The following NCAPG variants were observed in gnomAD, a reference collection of about 807,000 sequenced individuals.
NCAPG encodes the protein non-SMC condensin I complex subunit G.
A neutral mutation model predicts 113.1 loss-of-function variants in NCAPG; 69 were observed. That is an observed-to-expected ratio of 0.61 (90% CI 0.50 to 0.75). The LOEUF (loss-of-function observed/expected upper bound fraction) is 0.75. Among genes scored for constraint, NCAPG ranks in the 30% least tolerant of loss-of-function variants. NCAPG has a pLI of 0.00. For synonymous variants in NCAPG, 370 were observed against 415.8 expected (o/e 0.89, Z 1.34); for missense variants, 1,058 against 1,177.0 (o/e 0.90, Z 1.48).
chr4:17,830,007 T>C (rs1481774726), intron 12 of NCAPG, among the ~76,000 whole-genome samples: 1 of 152,146 alleles, frequency 6.6e-6, no homozygotes, highest in East Asian at 1.9e-4. Context: ...ATTACATGTA[T>C]GAAAAAGTGA....
intron 11 of NCAPG, among the ~76,000 whole-genome samples, chr4:17,826,662 A>G (rs1204437715): frequency 1.3e-5 from 2 of 152,218 alleles, no homozygotes; most frequent in African/African-American, 2.4e-5. Context: ...TTATGTGTCT[A>G]TTTGTCCTGT....
intron 16 of NCAPG, among the ~76,000 whole-genome samples, chr4:17,839,002 T>C (rs1220235120): frequency 2.6e-5 from 4 of 152,142 alleles, no homozygotes; most frequent in Admixed American, 6.5e-5. Flanking sequence ...TAAAGAATTA[T>C]GGGTACAAGA....
At chr4:17,837,395 C>T (rs1392596762) in intron 15 of NCAPG, 55 bp downstream of exon 15, 8 of 1,453,650 alleles carry the variant, frequency 5.5e-6, no homozygotes, top group African/African-American at 2.8e-5. Context: ...ATTCAAGTCC[C>T]CCATGAATTA....
rs1721018408 is a variant in NCAPG, at chr4:17,812,326, G to A, written c.217G>A (p.Ala73Thr). 5 of 1,613,738 alleles carry A rather than the reference G, an allele frequency of 3.1e-6. No homozygotes were observed. In the East Asian group the frequency reaches 1.1e-4, roughly 36 times the overall value. Residue 73 changes from alanine to threonine, a missense_variant, in exon 2 of 21, where the codon GCA (alanine) becomes ACA (threonine). Ala to Thr is a moderately conservative substitution (Grantham distance 58, BLOSUM62 0). Transcript: ENST00000251496. ...PAVERVIEFA[A>T]KFVTSFHQSD... ...TGTGGAGAGGGTAATAGAATTTGCA[G>A]CAAAGTTTGTTACCTCATTTCACCA...
chr4:17,817,943 T>C lies in NCAPG; in HGVS notation c.973T>C (p.Leu325=). The change falls in exon 7 of 21, where the codon TTG becomes CTG. Residue 325 remains leucine (L), a synonymous_variant. Coordinates refer to ENST00000251496, the MANE Select transcript of NCAPG (RefSeq NM_022346.5). ...CACTCTTTCTTTTAAATGAAGGAAA[T>C]TGATTCCAGTGGAAACATTAACTCC... The part of the protein sequence containing the change: ...GLCKNNDGRK[L]IPVETLTPEI... 2 of 1,593,874 alleles carry C rather than the reference T, an allele frequency of 1.3e-6. No homozygotes were observed. Among genetic ancestry groups the C allele is most frequent in the Non-Finnish European group, 1.7e-6 (2 of 1,173,298 alleles).
chr4:17,815,170 A>T (rs1423550438), intron 4 of NCAPG, 104 bp from the exon 5 acceptor site: 2 of 1,260,098 alleles, frequency 1.6e-6, no homozygotes, highest in African/African-American at 1.5e-5. Context: ...ACCAGGTATT[A>T]ATTTCTTTTG....
intron 17 of NCAPG, 39 bp from the exon 18 acceptor site, chr4:17,840,032 G>A (rs1457422658): frequency 6.4e-7 from 1 of 1,573,748 alleles, no homozygotes; most frequent in Admixed American, 1.9e-5. Flanking sequence ...ATTAGGGAAT[G>A]CGGTGTTTAC....
Position 17,811,880 on chromosome 4 carries a change from T to A in NCAPG, c.112-341T>A, listed in dbSNP as rs1720975609. Among the ~76,000 whole-genome samples the A allele has an allele frequency of 2.0e-5, 3 of 152,190 alleles. No individual in the cohort carries two copies. The highest frequency in any genetic ancestry group is 7.2e-5 in the African/African-American group (3 of 41,458). On this transcript the variant is annotated intron_variant, in intron 1 of 20. Coordinates refer to ENST00000251496, the MANE Select transcript of NCAPG (RefSeq NM_022346.5). This position sits in a 1 kb window ranked among gnomAD's most constrained non-coding sequence, Gnocchi z 5.3. ...TGCTGGTGATAGGAAGGCCTGAATA[T>A]GAGAAATATAAAAGCCAGTATTGAT... is the stretch of plus-strand genomic sequence containing the variant.
rs1473448271 is a variant in NCAPG, at chr4:17,830,596, T to C, written c.1765-401T>C. 3.3e-5 allele frequency among the ~76,000 whole-genome samples: 5 copies of C among 149,784 alleles called. No individual in the cohort carries two copies. The East Asian group carries it at 9.9e-4, about 30-fold the overall frequency. ...CTTCAATGTGGTGGCTACTAGAAAA[T>C]TTAACATGACATATGTGGTACCCAT... On this transcript the variant is annotated intron_variant, in intron 12 of 20. Coordinates refer to ENST00000251496, the MANE Select transcript of NCAPG (RefSeq NM_022346.5).
chr4:17,839,716 A>T lies in NCAPG; in HGVS notation c.2507A>T (p.Asn836Ile). The T allele has an allele frequency of 6.4e-7, 1 of 1,568,476 alleles. No homozygotes were observed. Residue 836 changes from asparagine (N) to isoleucine (I), a missense_variant, in exon 17 of 21, where the codon AAT (asparagine) becomes ATT (isoleucine). Physicochemically the swap from Asn to Ile is moderately radical, Grantham distance 149. Coordinates refer to ENST00000251496, the MANE Select transcript of NCAPG (RefSeq NM_022346.5). ...VHDNLAMKIC[N>I]EILTSPCSPE... ...GACAATTTGGCTATGAAAATTTGCA[A>T]TGAGATCTTAACAAGTCCGTGCTCG...
intron 1 of NCAPG, 71 bp from the exon 2 acceptor site, chr4:17,812,150 G>C (rs1466938018): frequency 2.6e-6 from 3 of 1,140,408 alleles, no homozygotes; most frequent in Non-Finnish European, 3.9e-6. Context: ...GCTTTCATCA[G>C]TCTTAGGGTG....
At chr4:17,822,831 T>C (rs1721511530) in intron 7 of NCAPG, 152 bp from the exon 8 acceptor site, 1 of 485,318 alleles carries the variant, frequency 2.1e-6, no homozygotes, top group Non-Finnish European at 3.6e-6. Flanking sequence ...GACAGTGGCA[T>C]AGAATTGAGT....
At chr4:17,821,972 T>A (rs1172288292) in intron 7 of NCAPG, among the ~76,000 whole-genome samples, 1 of 152,070 alleles carries the variant, frequency 6.6e-6, no homozygotes, top group Non-Finnish European at 1.5e-5. Flanking sequence ...GTGATGTCTG[T>A]AGTAAGAATA....
At chr4:17,822,410 T>G (rs1305169976) in intron 7 of NCAPG, among the ~76,000 whole-genome samples, 1 of 152,004 alleles carries the variant, frequency 6.6e-6, no homozygotes, top group Non-Finnish European at 1.5e-5. Context: ...CAGGCTGGTC[T>G]CGAACTCCTG....
chr4:17,833,048 C>G (rs1025622341), intron 13 of NCAPG, among the ~76,000 whole-genome samples: 1 of 151,992 alleles, frequency 6.6e-6, no homozygotes, highest in African/African-American at 2.4e-5. Flanking sequence ...AGTTATAGAG[C>G]CAAGTTATTT....
chr4:17,813,714 GAA>G (rs1448646667), intron 3 of NCAPG, among the ~76,000 whole-genome samples: 1 of 151,906 alleles, frequency 6.6e-6, no homozygotes, highest in Non-Finnish European at 1.5e-5. Context: ...TTTTTGAACA[GAA>G]ATTCTTATGT....
At chr4:17,837,532 A>T in intron 15 of NCAPG, 95 bp from the exon 16 acceptor site, 2 of 1,379,758 alleles carry the variant, frequency 1.4e-6, no homozygotes, top group Middle Eastern at 4.3e-4. Context: ...AATGCACTTA[A>T]TGAGTGAATT....
intron 7 of NCAPG, among the ~76,000 whole-genome samples, chr4:17,818,493 A>C (rs1415688155): frequency 6.6e-6 from 1 of 152,252 alleles, no homozygotes; most frequent in Admixed American, 6.5e-5. Flanking sequence ...AGACAATGTA[A>C]GTAACTGTTT....
At chr4:17,822,796 A>G (rs1721510515) in intron 7 of NCAPG, among the ~76,000 whole-genome samples, 187 bp from the exon 8 acceptor site, 1 of 152,196 alleles carries the variant, frequency 6.6e-6, no homozygotes, top group Admixed American at 6.5e-5. Flanking sequence ...TTGATTCATC[A>G]ATAAGTTTGT....
Sources: gnomAD v4.1 joint callset for allele counts (sites outside exome capture counted in the v4.1 genomes callset) on GRCh38, gnomAD v4.1.1 for gene constraint, Gnocchi (gnomAD v3.1) non-coding constraint, MANE v1.5 for transcripts, NCBI Gene and HGNC (gene_info 2026-07-23, HGNC 2026-07-21) for gene names.